The following FSTL4 variants were observed in gnomAD, a reference collection of about 807,000 sequenced individuals.
FSTL4 encodes follistatin-related protein 4.
FSTL4 carries 28 observed loss-of-function variants against 78.2 expected under a neutral mutation model. That is an observed-to-expected ratio of 0.36 (90% CI 0.27 to 0.49). The LOEUF is 0.49. FSTL4 is among the 20% of genes least tolerant of loss of function. FSTL4 has a pLI of 0.98. For missense variants in FSTL4, 922 were observed against 1,084.9 expected (o/e 0.85, Z 2.11); for synonymous variants, 422 against 440.5 (o/e 0.96, Z 0.53).
At chr5:133,693,047 T>G in the FSTL4 span, among the ~76,000 whole-genome samples, 1 of 152,244 alleles carries the variant, frequency 6.6e-6, no homozygotes, top group South Asian at 2.1e-4. Flanking sequence ...ACAGAGTAGG[T>G]GCTCAATAAA....
intron 6 of FSTL4, chr5:133,266,608 G>A (rs550114721): frequency 6.6e-6 from 1 of 152,320 alleles, no homozygotes; most frequent in Non-Finnish European, 1.5e-5. Context: ...CTGTCCCTCT[G>A]TGAGAAGCAG....
intron 4 of FSTL4, among the ~76,000 whole-genome samples, chr5:133,386,883 G>A (rs1755712773): frequency 6.6e-6 from 1 of 152,216 alleles, no homozygotes; most frequent in Non-Finnish European, 1.5e-5. Flanking sequence ...TAGCCACGTG[G>A]AGACAGCCAC....
the FSTL4 span, among the ~76,000 whole-genome samples, chr5:133,730,749 T>C: frequency 6.6e-6 from 1 of 152,240 alleles, no homozygotes; most frequent in Non-Finnish European, 1.5e-5. Context: ...CCATTTACTT[T>C]GAGATGATTT....
chr5:133,203,118 C>T (rs1188029416), intron 14 of FSTL4, among the ~76,000 whole-genome samples: 2 of 152,212 alleles, frequency 1.3e-5, no homozygotes, highest in Non-Finnish European at 1.5e-5. Context: ...AAGCAGCAGA[C>T]CAGTGGTCCG....
chr5:133,238,310 T>C (rs1422285110), intron 7 of FSTL4, among the ~76,000 whole-genome samples: 1 of 152,186 alleles, frequency 6.6e-6, no homozygotes, highest in East Asian at 1.9e-4. Flanking sequence ...GCACCCCTGG[T>C]TCTCTTTGTG....
At position 133,199,675 on chromosome 5, in the gene FSTL4, G is replaced by A. The variant is rs1581517959; in HGVS notation, c.1949C>T (p.Thr650Ile). Residue 650 changes from threonine to isoleucine, a missense_variant, in exon 16 of 16, where the codon ACC becomes ATC. Physicochemically the swap from Thr to Ile is moderately conservative, Grantham distance 89. Coordinates refer to ENST00000265342, the MANE Select transcript of FSTL4 (RefSeq NM_015082.2). This position sits in a 1 kb window ranked among gnomAD's most constrained non-coding sequence, Gnocchi z 4.4. Reference sequence around the variant, plus strand: ...GATGAAGAAGTAGCCGCCCAGGTGGGTGTGTGCCATGGCCTGGGGCACGCA... The same window carrying A: ...GATGAAGAAGTAGCCGCCCAGGTGGATGTGTGCCATGGCCTGGGGCACGCA... ...HGCVPQAMAH[T>I]HLGGYFFIQC... The A allele has an allele frequency of 6.2e-7, 1 of 1,614,136 alleles. No homozygotes were observed. The highest frequency in any genetic ancestry group is 8.5e-7 in the Non-Finnish European group (1 of 1,179,992).
upstream of FSTL4, among the ~76,000 whole-genome samples, chr5:133,614,080 T>A (rs866384234): frequency 6.6e-6 from 1 of 152,168 alleles, no homozygotes; most frequent in African/African-American, 2.4e-5. Context: ...CTCTGAAATG[T>A]AATTCTAAGT....
intron 3 of FSTL4, among the ~76,000 whole-genome samples, chr5:133,531,649 A>C (rs1475526764): frequency 1.3e-5 from 2 of 152,238 alleles, no homozygotes; most frequent in Non-Finnish European, 2.9e-5. Flanking sequence ...AACTTGCAAT[A>C]AATCAGTGTG....
chr5:133,487,365 G>C (rs1758158577), intron 3 of FSTL4, among the ~76,000 whole-genome samples: 1 of 152,102 alleles, frequency 6.6e-6, no homozygotes, highest in South Asian at 2.1e-4. Context: ...TCTGCAATCT[G>C]AGCTGTCACC....
rs61471971 is a variant in FSTL4 at position 133,541,927 on chromosome 5, GAC to G, written c.160+25257_160+25258del. ...GCACACAGAGCTAGAGAATGTTACA[GAC>G]ACACACACACACACACACACACTCT... On this transcript the variant is annotated intron_variant, in intron 3 of 15. Coordinates refer to ENST00000265342, the MANE Select transcript of FSTL4 (RefSeq NM_015082.2). Among the ~76,000 whole-genome samples, 241 of 148,274 alleles carry G rather than the reference GAC, an allele frequency of 1.6e-3. 2 individuals are homozygous for G. The highest frequency in any genetic ancestry group is 5.5e-3 in the African/African-American group (222 of 40,092).
the FSTL4 span, among the ~76,000 whole-genome samples, chr5:133,789,482 C>A: frequency 0.038 from 5,751 of 152,194 alleles, 320 homozygotes; most frequent in African/African-American, 0.12. Context: ...CATTCAAATT[C>A]ATTGAATTTT....
At chr5:133,604,091 T>C (rs1344563572) in intron 1 of FSTL4, 98 bp from the exon 2 acceptor site, 3 of 862,094 alleles carry the variant, frequency 3.5e-6, no homozygotes, top group East Asian at 4.9e-5. Flanking sequence ...CAGATAAGCC[T>C]GGGTTTAAAT....
the FSTL4 span, among the ~76,000 whole-genome samples, chr5:133,706,525 A>T: frequency 6.6e-6 from 1 of 152,104 alleles, no homozygotes; most frequent in Non-Finnish European, 1.5e-5. Context: ...GGCATTTAAG[A>T]CTCTTAGAAG....
intron 3 of FSTL4, among the ~76,000 whole-genome samples, chr5:133,446,468 A>G (rs1757267721): frequency 6.6e-6 from 1 of 152,080 alleles, no homozygotes; most frequent in South Asian, 2.1e-4. Flanking sequence ...CTCGTCCACT[A>G]GTGGGTTCTG....
At chr5:133,332,349 G>A (rs1464499610) in intron 4 of FSTL4, among the ~76,000 whole-genome samples, 3 of 152,236 alleles carry the variant, frequency 2.0e-5, no homozygotes, top group Non-Finnish European at 4.4e-5. Context: ...CAGAGCCTGA[G>A]AATGGCCTCC....
At chr5:133,504,790 C>T (rs4958127) in intron 3 of FSTL4, among the ~76,000 whole-genome samples, 69,189 of 152,084 alleles carry the variant, frequency 0.45, 15,983 homozygotes, top group Non-Finnish European at 0.48. Flanking sequence ...GGAAGCCTTC[C>T]TGATTTCCCC....
chr5:133,215,559 A>G (rs1413879600), intron 13 of FSTL4, among the ~76,000 whole-genome samples: 2 of 151,910 alleles, frequency 1.3e-5, no homozygotes, highest in Admixed American at 1.3e-4. Context: ...TCACCCCCCA[A>G]TCTGCTCCCT....
intron 3 of FSTL4, among the ~76,000 whole-genome samples, chr5:133,476,582 A>AT (rs1253900178): frequency 1.3e-5 from 2 of 152,172 alleles, no homozygotes; most frequent in East Asian, 1.9e-4. Context: ...GGTTCTGTGA[A>AT]TTTTTTATAG....
the FSTL4 span, among the ~76,000 whole-genome samples, chr5:133,633,419 A>T: frequency 1.3e-5 from 2 of 152,094 alleles, no homozygotes; most frequent in Non-Finnish European, 2.9e-5. Flanking sequence ...CATTCATTAA[A>T]TTTTTTATTT....
Sources: gnomAD v4.1 joint callset for allele counts (sites outside exome capture counted in the v4.1 genomes callset) on GRCh38, gnomAD v4.1.1 for gene constraint, Gnocchi (gnomAD v3.1) non-coding constraint, MANE v1.5 for transcripts, NCBI Gene and HGNC (gene_info 2026-07-23, HGNC 2026-07-21) for gene names.